Variants in GALNT16 observed in about 807,000 individuals in gnomAD.
GALNT16 encodes the protein UDP-GalNAc:polypeptide N-acetylgalactosaminyltransferase-like protein 1.
In GALNT16, 40 loss-of-function variants were observed where a neutral mutation model predicts 76.1. The ratio of observed to expected loss-of-function variants is 0.53; its 90% CI spans 0.41 to 0.68. The LOEUF is 0.68. Among genes scored for constraint, GALNT16 ranks in the 30% least tolerant of loss-of-function variants. GALNT16 has a pLI of 0.00. For missense variants in GALNT16, 621 were observed against 731.9 expected, an observed-to-expected ratio of 0.85 and a Z score of 1.75; for synonymous variants, 276 against 285.2, an observed-to-expected ratio of 0.97 and a Z score of 0.32.
intron 1 of GALNT16, among the ~76,000 whole-genome samples, chr14:69,299,580 C>T (rs1473820630): frequency 6.6e-6 from 1 of 152,174 alleles, no homozygotes; most frequent in Non-Finnish European, 1.5e-5. Context: ...TACCTTGAGT[C>T]TTCCTAATGT....
At position 69,296,805 on chromosome 14, in the gene GALNT16, CTAGATAGATAGATAGATAGA is replaced by C. The variant is rs71102640; in HGVS notation, c.178-23884_178-23865del. Among the ~76,000 whole-genome samples, 445 of 148,180 alleles carry C rather than the reference CTAGATAGATAGATAGATAGA, an allele frequency of 3.0e-3. 4 individuals are homozygous for C. The highest frequency in any genetic ancestry group is 4.0e-3 in the Non-Finnish European group (266 of 66,734). The stretch of plus-strand genomic sequence containing the variant: ...GATAGAGATAGACAGACAGATAGAG[CTAGATAGATAGATAGATAGA>C]TAGATAGATAGATAGATAGATGCCT... On this transcript the variant is annotated intron_variant, in intron 1 of 14. Transcript: ENST00000448469.
chr14:69,331,397 G>A, intron 6 of GALNT16, 67 bp from the exon 7 acceptor site: 2 of 873,298 alleles, frequency 2.3e-6, no homozygotes, highest in Admixed American at 1.7e-5. Context: ...TCTCCCCAGA[G>A]CAGGCAGCTA....
chr14:69,305,542 G>T (rs953811567), intron 1 of GALNT16, among the ~76,000 whole-genome samples: 12 of 152,000 alleles, frequency 7.9e-5, no homozygotes, highest in Non-Finnish European at 1.6e-4. Context: ...ATACCTGTTG[G>T]CTGTTTGTAT....
chr14:69,310,831 C>T (rs1037021809), intron 1 of GALNT16, among the ~76,000 whole-genome samples: 1 of 152,168 alleles, frequency 6.6e-6, no homozygotes, highest in African/African-American at 2.4e-5. Context: ...AGGAGGATCA[C>T]TTGAGCCCAG....
At chr14:69,327,185 T>G (rs1270553514) in intron 5 of GALNT16, among the ~76,000 whole-genome samples, 3 of 152,122 alleles carry the variant, frequency 2.0e-5, no homozygotes, top group Non-Finnish European at 4.4e-5. Context: ...ACCCCGTCTC[T>G]ACTAAAAATA....
intron 1 of GALNT16, among the ~76,000 whole-genome samples, chr14:69,269,371 T>G (rs913087892): frequency 1.1e-5 from 1 of 89,554 alleles, no homozygotes; most frequent in South Asian, 5.2e-4. Context: ...GTATGATATA[T>G]GGGGCGCACG....
intron 1 of GALNT16, among the ~76,000 whole-genome samples, chr14:69,280,420 A>G (rs563914751): frequency 2.4e-4 from 36 of 152,254 alleles, no homozygotes; most frequent in African/African-American, 8.4e-4. Context: ...TGTCTATGCT[A>G]CATTTTGTTT....
chr14:69,295,304 A>G (rs1566868437), intron 1 of GALNT16, among the ~76,000 whole-genome samples: 1 of 151,170 alleles, frequency 6.6e-6, no homozygotes, highest in Non-Finnish European at 1.5e-5. Context: ...AGTACCAGCT[A>G]CTTGAGAGGC....
intron 6 of GALNT16, 64 bp downstream of exon 6, chr14:69,328,635 G>A (rs931780124): frequency 2.2e-5 from 34 of 1,545,032 alleles, no homozygotes; most frequent in Admixed American, 3.4e-5. Context: ...TCCTGGCACC[G>A]AGGCCTATGG....
the GALNT16 span, among the ~76,000 whole-genome samples, chr14:69,383,435 G>A: frequency 1.3e-5 from 2 of 152,244 alleles, no homozygotes; most frequent in Non-Finnish European, 2.9e-5. Context: ...GGTCTGAGGA[G>A]TAACGGCCCA....
At chr14:69,318,458 C>T (rs189113259) in intron 1 of GALNT16, among the ~76,000 whole-genome samples, 104 of 152,190 alleles carry the variant, frequency 6.8e-4, no homozygotes, top group African/African-American at 2.2e-3. Context: ...ACATAGGAGG[C>T]GCTTGGTGGA....
chr14:69,317,066 A>G (rs2045112852), intron 1 of GALNT16, among the ~76,000 whole-genome samples: 1 of 152,054 alleles, frequency 6.6e-6, no homozygotes, highest in African/African-American at 2.4e-5. Flanking sequence ...TTCCACCAAC[A>G]ACCCAAAATA....
At chr14:69,326,917 A>ACTC (rs1395924145) in intron 5 of GALNT16, among the ~76,000 whole-genome samples, 1 of 152,094 alleles carries the variant, frequency 6.6e-6, no homozygotes, top group Non-Finnish European at 1.5e-5. Context: ...GCCTACTCAT[A>ACTC]CTCATACTCC....
chr14:69,272,360 C>CATAA (rs1266215970), intron 1 of GALNT16, among the ~76,000 whole-genome samples: 115 of 152,002 alleles, frequency 7.6e-4, no homozygotes, highest in Middle Eastern at 6.8e-3. Flanking sequence ...AAGACTCTGT[C>CATAA]ATAAATAAAT....
At chr14:69,379,420 G>C in the GALNT16 span, among the ~76,000 whole-genome samples, 2 of 151,934 alleles carry the variant, frequency 1.3e-5, no homozygotes. Flanking sequence ...ATTTTGTCTT[G>C]CATAAAACAA....
intron 1 of GALNT16, among the ~76,000 whole-genome samples, chr14:69,290,069 A>G (rs547654349): frequency 1.2e-4 from 19 of 152,302 alleles, no homozygotes; most frequent in Admixed American, 6.5e-4. Flanking sequence ...AATGAATTTC[A>G]TATGAACATA....
At chr14:69,332,948 C>T in intron 7 of GALNT16, 137 bp from the exon 8 acceptor site, 1 of 697,050 alleles carries the variant, frequency 1.4e-6, no homozygotes, top group Admixed American at 2.2e-5. Flanking sequence ...GAGCTTGGCT[C>T]ATTCCGAATG....
At chr14:69,283,780 C>T (rs572365965) in intron 1 of GALNT16, among the ~76,000 whole-genome samples, 1 of 152,278 alleles carries the variant, frequency 6.6e-6, no homozygotes, top group African/African-American at 2.4e-5. Context: ...GTAAGTGCTG[C>T]ATTCCTTTTG....
At chr14:69,342,202 C>T (rs2045496580) in intron 12 of GALNT16, among the ~76,000 whole-genome samples, 1 of 151,972 alleles carries the variant, frequency 6.6e-6, no homozygotes, top group Non-Finnish European at 1.5e-5. Context: ...AATTCCAGCA[C>T]TTTGGGAGGC....
Sources: gnomAD v4.1 joint callset for allele counts (sites outside exome capture counted in the v4.1 genomes callset) on GRCh38, gnomAD v4.1.1 for gene constraint, MANE v1.5 for transcripts, NCBI Gene and HGNC (gene_info 2026-07-23, HGNC 2026-07-21) for gene names.